ESRRG: variants seen among roughly 807,000 people sequenced by gnomAD.
ESRRG encodes the protein estrogen related receptor gamma, also known as estrogen-related receptor gamma.
In ESRRG, 13 loss-of-function variants were observed where a neutral mutation model predicts 44.0. The ratio of observed to expected loss-of-function variants is 0.30; its 90% CI spans 0.19 to 0.47. ESRRG has a LOEUF of 0.47. Ranked by LOEUF, ESRRG falls within the 20% of genes least tolerant of loss-of-function variation. The pLI is 1.00. For missense variants in ESRRG, 395 were observed against 580.6 expected (o/e 0.68, Z 3.29); for synonymous variants, 215 against 214.6 (o/e 1.00, Z -0.02).
At chr1:217,070,956 G>A (rs1255684638) in intron 1 of ESRRG, among the ~76,000 whole-genome samples, 3 of 152,070 alleles carry the variant, frequency 2.0e-5, no homozygotes, top group Non-Finnish European at 2.9e-5. Context: ...TCCAGAACTG[G>A]TGACCTGTTA....
At chr1:217,101,134 G>A (rs2092505874) in intron 1 of ESRRG, among the ~76,000 whole-genome samples, 2 of 152,138 alleles carry the variant, frequency 1.3e-5, no homozygotes, top group Admixed American at 1.3e-4. Flanking sequence ...GGTTCTTTTG[G>A]CCAACCTCAT....
chr1:216,801,152 T>A (rs920250766), intron 2 of ESRRG, among the ~76,000 whole-genome samples: 1 of 152,206 alleles, frequency 6.6e-6, no homozygotes, highest in South Asian at 2.1e-4. Context: ...AAATTCCAAA[T>A]ACAATATTAT....
chr1:216,610,235 C>T (rs1022300671), intron 3 of ESRRG, among the ~76,000 whole-genome samples: 4 of 148,816 alleles, frequency 2.7e-5, no homozygotes, highest in Non-Finnish European at 5.9e-5. Context: ...GCTCCAGTTC[C>T]AAAATGTTTC....
chr1:216,858,554 T>C (rs1559891891), intron 2 of ESRRG, among the ~76,000 whole-genome samples: 1 of 152,198 alleles, frequency 6.6e-6, no homozygotes, highest in African/African-American at 2.4e-5. Context: ...ATGCTGGGCA[T>C]GGGCAGACCT....
At chr1:216,653,296 C>T (rs563865248) in intron 2 of ESRRG, among the ~76,000 whole-genome samples, 26 of 152,306 alleles carry the variant, frequency 1.7e-4, no homozygotes, top group East Asian at 3.9e-4. Flanking sequence ...TTTTTGCCTC[C>T]GTCCTGACCC....
At chr1:216,576,948 T>C (rs1053257983) in intron 3 of ESRRG, among the ~76,000 whole-genome samples, 1 of 152,090 alleles carries the variant, frequency 6.6e-6, no homozygotes, top group Non-Finnish European at 1.5e-5. Flanking sequence ...TATCTCATTA[T>C]TTTTAAACAG....
intron 3 of ESRRG, among the ~76,000 whole-genome samples, chr1:216,615,440 CAT>C (rs1190841814): frequency 6.6e-6 from 1 of 152,162 alleles, no homozygotes; most frequent in African/African-American, 2.4e-5. Flanking sequence ...CTTGTTTACA[CAT>C]GTTTTAAGGT....
chr1:216,848,123 C>T (rs1199559916), intron 2 of ESRRG, among the ~76,000 whole-genome samples: 1 of 151,992 alleles, frequency 6.6e-6, no homozygotes, highest in Admixed American at 6.6e-5. Flanking sequence ...GCAAATGTCC[C>T]GTGGGGTAAT....
At chr1:217,050,062 T>A (rs2085630090) in intron 1 of ESRRG, among the ~76,000 whole-genome samples, 1 of 152,226 alleles carries the variant, frequency 6.6e-6, no homozygotes, top group African/African-American at 2.4e-5. Flanking sequence ...GTAAGTCAGA[T>A]GTGTTTGAAT....
rs376026047 is a variant in ESRRG, at chr1:217,129,043, TA to T, written c.-230+8623del. 4.6e-3 allele frequency among the ~76,000 whole-genome samples: 697 copies of T among 152,088 alleles called. 5 individuals are homozygous for T. Among genetic ancestry groups the T allele is most frequent in the African/African-American group, 0.016 (663 of 41,486 alleles). On this transcript the variant is annotated intron_variant, in intron 1 of 8. Transcript: ENST00000366940. ...TAACAGAGCACTATCAACAAAGTGT[TA>T]AAAAAACCCACAGAATAAGAGAAAA... is the stretch of plus-strand genomic sequence containing the variant.
At chr1:216,638,084 A>G (rs1287888523) in intron 3 of ESRRG, among the ~76,000 whole-genome samples, 1 of 152,188 alleles carries the variant, frequency 6.6e-6, no homozygotes, top group African/African-American at 2.4e-5. Flanking sequence ...GAAAGACTAA[A>G]ATACAAACAG....
At chr1:217,028,266 A>C (rs1331896532) in intron 1 of ESRRG, among the ~76,000 whole-genome samples, 1 of 152,188 alleles carries the variant, frequency 6.6e-6, no homozygotes, top group African/African-American at 2.4e-5. Flanking sequence ...GGAAGGACTT[A>C]AAACATGCAA....
intron 1 of ESRRG, among the ~76,000 whole-genome samples, chr1:217,117,458 G>T (rs927859330): frequency 4.6e-5 from 7 of 151,956 alleles, no homozygotes; most frequent in Non-Finnish European, 1.0e-4. Flanking sequence ...AGTGGTGCAT[G>T]CCTGTAGTCC....
chr1:216,916,792 A>G (rs186198204), intron 2 of ESRRG, among the ~76,000 whole-genome samples: 47 of 144,658 alleles, frequency 3.2e-4, no homozygotes, highest in Admixed American at 7.8e-4. Context: ...TACATACATT[A>G]CAGCCAGGGT....
intron 2 of ESRRG, among the ~76,000 whole-genome samples, chr1:216,938,416 G>A (rs1051957348): frequency 6.6e-6 from 1 of 152,132 alleles, no homozygotes; most frequent in African/African-American, 2.4e-5. Flanking sequence ...ATGATTTGGG[G>A]CCAGAACTCC....
intron 2 of ESRRG, among the ~76,000 whole-genome samples, chr1:216,876,658 G>C (rs958018408): frequency 1.3e-5 from 2 of 151,206 alleles, no homozygotes; most frequent in Admixed American, 1.3e-4. Flanking sequence ...GCATCTTATG[G>C]TTTTGGAAAT....
At chr1:216,722,395 C>T (rs1031118266) in intron 1 of ESRRG, among the ~76,000 whole-genome samples, 3 of 151,336 alleles carry the variant, frequency 2.0e-5, no homozygotes, top group Admixed American at 1.3e-4. Context: ...ACTTACTTCT[C>T]GTACCCCCTA....
intron 2 of ESRRG, among the ~76,000 whole-genome samples, chr1:216,881,795 C>T (rs1359944601): frequency 2.0e-5 from 3 of 152,068 alleles, no homozygotes; most frequent in African/African-American, 7.2e-5. Flanking sequence ...GCAAATGTTT[C>T]AAGGGGAATG....
intron 2 of ESRRG, among the ~76,000 whole-genome samples, chr1:216,834,992 T>C (rs2095541498): frequency 6.6e-6 from 1 of 152,196 alleles, no homozygotes; most frequent in South Asian, 2.1e-4. Context: ...AAATGTTCTA[T>C]GATAATCAGG....
Sources: allele counts gnomAD v4.1 joint callset (sites outside exome capture counted in the v4.1 genomes callset), GRCh38; gene constraint gnomAD v4.1.1; transcripts MANE v1.5; gene names NCBI Gene and HGNC (gene_info 2026-07-23, HGNC 2026-07-21).